FHIT: variants seen among roughly 807,000 people sequenced by gnomAD.
The protein encoded by FHIT is fragile histidine triad diadenosine triphosphatase, also known as bis(5'-adenosyl)-triphosphatase.
A neutral mutation model predicts 17.9 loss-of-function variants in FHIT; 19 were observed. The observed-to-expected ratio is 1.06, with a 90% CI of 0.74 to 1.56. The LOEUF is 1.56. Ranked by LOEUF, FHIT falls within the 40% of genes most tolerant of loss-of-function variation. The pLI, the probability that FHIT is intolerant of heterozygous loss-of-function variation, is 0.00. For missense variants in FHIT, 248 were observed against 189.2 expected (o/e 1.31, Z -1.82); for synonymous variants, 81 against 69.7 (o/e 1.16, Z -0.81).
intron 4 of FHIT, among the ~76,000 whole-genome samples, chr3:60,579,607 A>C (rs1489897956): frequency 6.6e-6 from 1 of 152,202 alleles, no homozygotes; most frequent in Non-Finnish European, 1.5e-5. Context: ...ACACATATAT[A>C]CCTATATATA....
intron 3 of FHIT, among the ~76,000 whole-genome samples, chr3:61,021,523 C>T (rs1264320255): frequency 9.3e-5 from 13 of 139,450 alleles, no homozygotes; most frequent in South Asian, 7.0e-4. Flanking sequence ...GGCGTGAACC[C>T]GGGAGGCGGA....
In FHIT at chr3:60,464,156, C is replaced by CA. The variant is rs529667059; in HGVS notation, c.103+72703dup. Among the ~76,000 whole-genome samples, 17 of 152,234 alleles carry CA rather than the reference C, an allele frequency of 1.1e-4. No homozygotes were observed. The South Asian group carries it at 2.9e-3, about 26-fold the overall frequency. On this transcript the variant is annotated intron_variant, in intron 5 of 9. Coordinates refer to ENST00000492590, the MANE Select transcript of FHIT (RefSeq NM_002012.4). ...TCACTAAAAGATCTTGTCTCTTGCT[C>CA]AAAAGGCTTGACTCAAGGAAAAGAA...
At chr3:59,982,856 G>A (rs1708714661) in intron 7 of FHIT, among the ~76,000 whole-genome samples, 1 of 152,122 alleles carries the variant, frequency 6.6e-6, no homozygotes, top group Non-Finnish European at 1.5e-5. Flanking sequence ...CACATTACTG[G>A]CATAATTACT....
rs144912388 is a variant in FHIT, at chr3:60,224,702, TTTTTATTTTA to T, written c.104-210560_104-210551del. On this transcript the variant is annotated intron_variant, in intron 5 of 9. Coordinates refer to ENST00000492590, the MANE Select transcript of FHIT (RefSeq NM_002012.4). ...TTCTCCTTTTTATCTCTCACCAGGA[TTTTTATTTTA>T]TTTTATTTTATTTTATTTTATTTTA... is the stretch of plus-strand genomic sequence containing the variant. 1.1e-3 allele frequency among the ~76,000 whole-genome samples: 152 copies of T among 142,398 alleles called. 2 individuals carry two copies. The highest frequency in any genetic ancestry group is 2.2e-3 in the East Asian group (11 of 5,000). 93.4% of individuals were successfully genotyped at this position (142,398 alleles called of 152,430 possible).
At position 61,187,984 on chromosome 3, in the gene FHIT, G is replaced by T. The variant is rs555244602; in HGVS notation, c.-164+12633C>A. Reference sequence around the variant, plus strand: ...AATGCCCATAAGACAAAGCAGAAAAGATCTAAAATTGACACCCTAACATCA... The same window carrying T: ...AATGCCCATAAGACAAAGCAGAAAATATCTAAAATTGACACCCTAACATCA... On this transcript the variant is annotated intron_variant, in intron 2 of 9. Coordinates refer to ENST00000492590, the MANE Select transcript of FHIT (RefSeq NM_002012.4). Among the ~76,000 whole-genome samples the T allele has an allele frequency of 2.6e-5, 4 of 152,312 alleles. No individual in the cohort carries two copies. The East Asian group carries it at 7.7e-4, about 29-fold the overall frequency.
At chr3:60,629,704 A>C (rs772316417) in intron 4 of FHIT, among the ~76,000 whole-genome samples, 1 of 152,170 alleles carries the variant, frequency 6.6e-6, no homozygotes, top group African/African-American at 2.4e-5. Context: ...TTCTAGAATA[A>C]TGCCCTTCCT....
intron 7 of FHIT, among the ~76,000 whole-genome samples, chr3:59,937,402 G>A (rs77905692): frequency 0.014 from 2,174 of 152,264 alleles, 43 homozygotes; most frequent in African/African-American, 0.05. Context: ...TAAAAGTGAT[G>A]GCTGTCACTT....
chr3:60,686,043 C>T (rs577392582), intron 4 of FHIT, among the ~76,000 whole-genome samples: 2 of 152,156 alleles, frequency 1.3e-5, no homozygotes, highest in South Asian at 4.2e-4. Flanking sequence ...TTTCTGAATG[C>T]AACTTTATTT....
At chr3:60,896,731 G>A (rs373365336) in intron 3 of FHIT, among the ~76,000 whole-genome samples, 3 of 152,188 alleles carry the variant, frequency 2.0e-5, no homozygotes, top group African/African-American at 4.8e-5. Context: ...TTTTTCCTAT[G>A]TGTAATCATG....
At chr3:60,132,449 GA>G (rs1016495707) in intron 5 of FHIT, among the ~76,000 whole-genome samples, 3 of 152,238 alleles carry the variant, frequency 2.0e-5, no homozygotes, top group East Asian at 3.9e-4. Flanking sequence ...GAAAAGGGGG[GA>G]AAAATTATAA....
In FHIT at chr3:60,390,396, TAAAAA is replaced by T. The variant is rs869078939; in HGVS notation, c.103+146459_103+146463del. Among the ~76,000 whole-genome samples the T allele has an allele frequency of 1.4e-3, 44 of 31,986 alleles. 1 individual carries two copies. The highest frequency in any genetic ancestry group is 1.9e-3 in the Non-Finnish European group (33 of 17,608). The allele number at this position is 31,986 out of a possible 152,430, so 21.0% of individuals were successfully genotyped here. A position where few individuals can be genotyped will look rare whatever the true frequency, so the allele number is the denominator to read the frequency against. On this transcript the variant is annotated intron_variant, in intron 5 of 9. Transcript: ENST00000492590. ...TGGTCCCTTAAGATTGTAATGGAGC[TAAAAA>T]AAAAAAAAAAAAAAAAAAAAAAAAA...
intron 5 of FHIT, among the ~76,000 whole-genome samples, chr3:60,238,510 G>T (rs1016038824): frequency 6.8e-6 from 1 of 146,052 alleles, no homozygotes; most frequent in Non-Finnish European, 1.5e-5. Flanking sequence ...TTTCTAAAAT[G>T]CTGAAAAGCA....
intron 5 of FHIT, among the ~76,000 whole-genome samples, chr3:60,454,358 C>A (rs2031946985): frequency 6.6e-6 from 1 of 151,820 alleles, no homozygotes. Context: ...TCCCACAGCA[C>A]CAAAAGTCAT....
At position 60,639,265 on chromosome 3, in the gene FHIT, T is replaced by A. The variant is rs563015898; in HGVS notation, c.-17-102286A>T. Reference sequence around the variant, plus strand: ...GGGCTATAGAAGCAGCAGCTAGGACTTGAGGGACTAAGATTTGTGAGAACG... The same window carrying A: ...GGGCTATAGAAGCAGCAGCTAGGACATGAGGGACTAAGATTTGTGAGAACG... On this transcript the variant is annotated intron_variant, in intron 4 of 9. Coordinates refer to ENST00000492590, the MANE Select transcript of FHIT (RefSeq NM_002012.4). Among the ~76,000 whole-genome samples, 5 of 152,046 alleles carry A rather than the reference T, an allele frequency of 3.3e-5. No homozygotes were observed. In the South Asian group the frequency reaches 1.0e-3, roughly 32 times the overall value.
intron 4 of FHIT, among the ~76,000 whole-genome samples, chr3:60,608,266 G>T (rs1039339778): frequency 5.3e-5 from 8 of 152,058 alleles, no homozygotes; most frequent in Non-Finnish European, 1.2e-4. Context: ...GCCTGAGTAG[G>T]CCTGAGCCAA....
At chr3:59,994,053 C>T (rs1699401330) in intron 7 of FHIT, among the ~76,000 whole-genome samples, 1 of 152,016 alleles carries the variant, frequency 6.6e-6, no homozygotes, top group South Asian at 2.1e-4. Flanking sequence ...GTCTCTTTTA[C>T]AGATGAGGAA....
intron 5 of FHIT, among the ~76,000 whole-genome samples, chr3:60,252,053 G>T (rs1474333056): frequency 1.3e-5 from 2 of 152,288 alleles, no homozygotes; most frequent in African/African-American, 4.8e-5. Flanking sequence ...TGTGTGCCAA[G>T]TATTTCCATA....
intron 2 of FHIT, among the ~76,000 whole-genome samples, chr3:61,177,442 A>T (rs936798442): frequency 1.2e-4 from 19 of 152,170 alleles, no homozygotes; most frequent in Non-Finnish European, 1.9e-4. Flanking sequence ...TAAAAATAAA[A>T]AATAAAGGTT....
rs898660219 is a variant in FHIT at position 59,748,775 on chromosome 3, C to T, written c.*810G>A. Among the ~76,000 whole-genome samples, 3 of 146,870 alleles carry T rather than the reference C, an allele frequency of 2.0e-5. No homozygotes were observed. Among genetic ancestry groups the T allele is most frequent in the Non-Finnish European group, 3.1e-5 (2 of 64,140 alleles). ...TTCAAATCTGAGCTTTGCCACTTACCGTTGGCCTTGAACTAATAATACTTA... is the reference window on the plus strand; with the variant it reads ...TTCAAATCTGAGCTTTGCCACTTACTGTTGGCCTTGAACTAATAATACTTA... On this transcript the variant is annotated 3_prime_UTR_variant, in exon 10 of 10. Transcript: ENST00000492590.
Sources: allele counts gnomAD v4.1 joint callset (sites outside exome capture counted in the v4.1 genomes callset), GRCh38; gene constraint gnomAD v4.1.1; transcripts MANE v1.5; gene names NCBI Gene and HGNC (gene_info 2026-07-23, HGNC 2026-07-21).